GRM7: variants seen among roughly 807,000 people sequenced by gnomAD.
GRM7 encodes glutamate metabotropic receptor 7.
GRM7 carries 35 observed loss-of-function variants against 84.5 expected under a neutral mutation model. The observed-to-expected ratio is 0.41, with a 90% CI of 0.32 to 0.55. The LOEUF (loss-of-function observed/expected upper bound fraction) is 0.55, where lower values mean the gene tolerates loss of function less well. Among genes scored for constraint, GRM7 ranks in the 20% least tolerant of loss-of-function variants. The pLI is 0.19. For synonymous variants in GRM7, 487 were observed against 455.1 expected, an observed-to-expected ratio of 1.07 and a Z score of -0.89; for missense variants, 1,003 against 1,194.6, an observed-to-expected ratio of 0.84 and a Z score of 2.36.
Position 6,861,471 on chromosome 3 carries a change from TGGC to T in GRM7, c.94_96del (p.Ala32del), listed in dbSNP as rs752881858. The stretch of plus-strand genomic sequence containing the variant: ...GTGCTGGAGGTGCTCCTGTGCGCGC[TGGC>T]GGCGGCGGCGCGCGGCCAGGAGATG... On this transcript the variant is annotated inframe_deletion, in exon 1 of 10. Coordinates refer to ENST00000357716, the MANE Select transcript of GRM7 (RefSeq NM_000844.4). The surrounding 1 kb of genome is among the most constrained non-coding windows in gnomAD (Gnocchi z 6.4). The T allele has an allele frequency of 5.1e-5, 66 of 1,284,560 alleles. 1 individual carries two copies. Among genetic ancestry groups the T allele is most frequent in the East Asian group, 4.0e-4 (9 of 22,590 alleles). The allele number at this position is 1,284,560 out of a possible 1,614,324, so 79.6% of individuals were successfully genotyped here. A position where few individuals can be genotyped will look rare whatever the true frequency, so the allele number is the denominator to read the frequency against.
chr3:7,290,518 A>T (rs539401834), intron 2 of GRM7, among the ~76,000 whole-genome samples: 2 of 152,326 alleles, frequency 1.3e-5, no homozygotes, highest in East Asian at 3.9e-4. Context: ...CTTGGCTGAA[A>T]GATATGATGG....
At chr3:7,224,175 A>C (rs535221733) in intron 2 of GRM7, among the ~76,000 whole-genome samples, 1 of 152,352 alleles carries the variant, frequency 6.6e-6, no homozygotes, top group African/African-American at 2.4e-5. Flanking sequence ...TACAGGAAGC[A>C]TGGCAGCATC....
chr3:7,634,245 T>C (rs1697973551), intron 8 of GRM7, among the ~76,000 whole-genome samples: 1 of 152,012 alleles, frequency 6.6e-6, no homozygotes, highest in East Asian at 1.9e-4. Context: ...AAGCAAGTAG[T>C]TTGCTAAAAC....
chr3:7,091,390 A>G (rs1334651994), intron 1 of GRM7, among the ~76,000 whole-genome samples: 1 of 152,168 alleles, frequency 6.6e-6, no homozygotes, highest in Non-Finnish European at 1.5e-5. Flanking sequence ...ATTTGATATA[A>G]GATGTTTATT....
At chr3:7,144,188 A>G (rs1210336352) in intron 1 of GRM7, among the ~76,000 whole-genome samples, 1 of 152,178 alleles carries the variant, frequency 6.6e-6, no homozygotes, top group Non-Finnish European at 1.5e-5. Context: ...TATTTTAGTA[A>G]TAATTCAGCA....
At chr3:7,036,350 C>CCTTA (rs1198356715) in intron 1 of GRM7, among the ~76,000 whole-genome samples, 2 of 152,116 alleles carry the variant, frequency 1.3e-5, no homozygotes, top group Non-Finnish European at 2.9e-5. Context: ...AGTGGGCTTA[C>CCTTA]CTTACTGGCT....
intron 4 of GRM7, among the ~76,000 whole-genome samples, chr3:7,408,454 GTT>G (rs1039775416): frequency 6.6e-6 from 1 of 152,088 alleles, no homozygotes; most frequent in African/African-American, 2.4e-5. Flanking sequence ...ATAATGGCTG[GTT>G]TCCACCTCTC....
Position 7,205,290 on chromosome 3 carries a change from A to G in GRM7, c.736+58622A>G, listed in dbSNP as rs548350604. Among the ~76,000 whole-genome samples, 10 of 152,348 alleles carry G rather than the reference A, an allele frequency of 6.6e-5. No homozygotes were observed. In the South Asian group the frequency reaches 1.7e-3, roughly 25 times the overall value. Reference sequence around the variant, plus strand: ...CTGAAGATCTGGTCGTGGGTGGTGCATTGGATTTAATGTCACGTTGTCTAG... The same window carrying G: ...CTGAAGATCTGGTCGTGGGTGGTGCGTTGGATTTAATGTCACGTTGTCTAG... On this transcript the variant is annotated intron_variant, in intron 2 of 9. Transcript: ENST00000357716.
chr3:7,516,513 T>G lies in GRM7; in HGVS notation c.1515+54791T>G, dbSNP rs1168653321. 2.1e-4 allele frequency among the ~76,000 whole-genome samples: 29 copies of G among 135,874 alleles called. 1 individual carries two copies. Among genetic ancestry groups the G allele is most frequent in the Non-Finnish European group, 2.9e-4 (18 of 61,908 alleles). The allele number at this position is 135,874 out of a possible 152,430, so 89.1% of individuals were successfully genotyped here. On this transcript the variant is annotated intron_variant, in intron 7 of 9. Coordinates refer to ENST00000357716, the MANE Select transcript of GRM7 (RefSeq NM_000844.4). ...AAAAAAAAAAAAAAAAAAGAAATAG[T>G]TAGTTCATTAATTCTTAAAGAGAAA...
chr3:7,263,972 G>A (rs1356593427), intron 2 of GRM7, among the ~76,000 whole-genome samples: 1 of 152,138 alleles, frequency 6.6e-6, no homozygotes, highest in Non-Finnish European at 1.5e-5. Flanking sequence ...AGTGGTATGA[G>A]AGAGGCTGCA....
chr3:7,465,661 C>G (rs1345687293), intron 7 of GRM7, among the ~76,000 whole-genome samples: 1 of 152,032 alleles, frequency 6.6e-6, no homozygotes, highest in Admixed American at 6.5e-5. Flanking sequence ...TAAAGTATTT[C>G]AAGTAAAAAG....
At chr3:6,926,282 A>G (rs1434759935) in intron 1 of GRM7, among the ~76,000 whole-genome samples, 3 of 152,202 alleles carry the variant, frequency 2.0e-5, no homozygotes, top group African/African-American at 7.2e-5. Context: ...TTCTACATAT[A>G]TCATTTGTGC....
intron 1 of GRM7, among the ~76,000 whole-genome samples, chr3:7,029,881 C>T (rs1156865223): frequency 6.6e-6 from 1 of 152,054 alleles, no homozygotes; most frequent in Non-Finnish European, 1.5e-5. Context: ...GTATACTTTA[C>T]CACAATTAAA....
chr3:7,610,446 G>T (rs1214408133), intron 8 of GRM7, among the ~76,000 whole-genome samples: 1 of 152,078 alleles, frequency 6.6e-6, no homozygotes, highest in Non-Finnish European at 1.5e-5. Flanking sequence ...AGATAGATAG[G>T]ATTTTTTAAT....
intron 2 of GRM7, among the ~76,000 whole-genome samples, chr3:7,259,584 C>T (rs1464891496): frequency 6.6e-6 from 1 of 152,172 alleles, no homozygotes; most frequent in Non-Finnish European, 1.5e-5. Flanking sequence ...ATGATGGCCT[C>T]TAGCTCCATC....
At chr3:6,901,841 A>G (rs1457545516) in intron 1 of GRM7, among the ~76,000 whole-genome samples, 1 of 151,602 alleles carries the variant, frequency 6.6e-6, no homozygotes, top group Non-Finnish European at 1.5e-5. Flanking sequence ...CTTTTTATTT[A>G]GGAATAATGT....
At chr3:7,176,872 T>C in intron 2 of GRM7, among the ~76,000 whole-genome samples, 1 of 152,220 alleles carries the variant, frequency 6.6e-6, no homozygotes, top group East Asian at 1.9e-4. Flanking sequence ...ATCAGCTTTA[T>C]TCATGTCATG....
chr3:7,055,399 T>A (rs1158348031), intron 1 of GRM7, among the ~76,000 whole-genome samples: 1 of 151,784 alleles, frequency 6.6e-6, no homozygotes, highest in Non-Finnish European at 1.5e-5. Context: ...AGAACCGTTT[T>A]GTTGGAGTCA....
At chr3:6,967,893 A>G (rs1229791593) in intron 1 of GRM7, among the ~76,000 whole-genome samples, 1 of 152,112 alleles carries the variant, frequency 6.6e-6, no homozygotes, top group East Asian at 1.9e-4. Context: ...TGGGGTGTGG[A>G]GAGGAGGAGG....
Sources: allele counts gnomAD v4.1 joint callset (sites outside exome capture counted in the v4.1 genomes callset), GRCh38; gene constraint gnomAD v4.1.1; non-coding constraint Gnocchi (gnomAD v3.1); transcripts MANE v1.5; gene names NCBI Gene and HGNC (gene_info 2026-07-23, HGNC 2026-07-21).